The following SH3PXD2A variants were observed in gnomAD, a reference collection of about 807,000 sequenced individuals.
The protein encoded by SH3PXD2A is SH3 and PX domain-containing protein 2A.
A neutral mutation model predicts 115.2 loss-of-function variants in SH3PXD2A; 32 were observed. That is an observed-to-expected ratio of 0.28 (90% CI 0.21 to 0.37). The LOEUF is 0.37. Among genes scored for constraint, SH3PXD2A ranks in the 10% least tolerant of loss-of-function variants. The probability of loss-of-function intolerance (pLI) is 1.00; values close to 1 mark genes in which losing one functional copy is unlikely to be tolerated. For missense variants in SH3PXD2A, 1,328 were observed against 1,498.7 expected, an observed-to-expected ratio of 0.89 and a Z score of 1.88; for synonymous variants, 610 against 629.1, an observed-to-expected ratio of 0.97 and a Z score of 0.45.
At position 103,622,484 on chromosome 10, in the gene SH3PXD2A, C is replaced by A; in HGVS notation, c.788G>T (p.Arg263Met). 6.5e-7 allele frequency: 1 copy of A among 1,549,878 alleles called. No individual in the cohort carries two copies. Among genetic ancestry groups the A allele is most frequent in the Non-Finnish European group, 8.7e-7 (1 of 1,146,556 alleles). The change falls in exon 10 of 15, where the codon AGG becomes ATG. Residue 263 changes from arginine (R) to methionine (M), a missense_variant. Physicochemically the swap from Arg to Met is moderately conservative, Grantham distance 91. Coordinates refer to ENST00000369774, the MANE Select transcript of SH3PXD2A (RefSeq NM_001394015.1). Reference sequence around the variant, plus strand: ...CCCGCAGTCACCTCGGCTGTGCTGCCTGTTGACCATCCCGCCCAGGGTCCA... The same window carrying A: ...CCCGCAGTCACCTCGGCTGTGCTGCATGTTGACCATCCCGCCCAGGGTCCA... ...RRWTLGGMVN[R>M]QHSREEKYVT...
chr10:103,701,019 A>G (rs1361744348), intron 5 of SH3PXD2A, among the ~76,000 whole-genome samples: 1 of 3,956 alleles, frequency 2.5e-4, no homozygotes, highest in African/African-American at 2.3e-3. Context: ...CTATCCATCC[A>G]CCATCCATCC....
chr10:103,795,904 A>G (rs1275549536), intron 2 of SH3PXD2A, among the ~76,000 whole-genome samples: 177 of 57,156 alleles, frequency 3.1e-3, no homozygotes, highest in African/African-American at 0.011. Flanking sequence ...GAGGGAGGAA[A>G]AGGAAGGAAG....
At chr10:103,842,551 C>T (rs1325762568) in intron 1 of SH3PXD2A, among the ~76,000 whole-genome samples, 2 of 152,192 alleles carry the variant, frequency 1.3e-5, no homozygotes, top group Non-Finnish European at 2.9e-5. Flanking sequence ...TTATTCCTCC[C>T]ACCTGGCCTC....
chr10:103,692,781 G>A (rs1402236255), intron 6 of SH3PXD2A, among the ~76,000 whole-genome samples: 3 of 152,168 alleles, frequency 2.0e-5, no homozygotes, highest in African/African-American at 7.2e-5. Context: ...ACTAGGGACA[G>A]CGAGGTAGCG....
Position 103,603,114 on chromosome 10 carries a change from A to G in SH3PXD2A, c.2104T>C (p.Ser702Pro). 1 of 1,613,212 alleles carries G rather than the reference A, an allele frequency of 6.2e-7. No homozygotes were observed. The highest frequency in any genetic ancestry group is 8.5e-7 in the Non-Finnish European group (1 of 1,179,982). Residue 702 changes from serine (S) to proline (P), a missense_variant, in exon 15 of 15, where the codon TCC becomes CCC. Ser to Pro is a moderately conservative substitution (Grantham distance 74). Around this residue, in one of 5 missense-constraint regions of SH3PXD2A, gnomAD observed 574 missense variants for 565.7 expected, o/e 1.01. Transcript: ENST00000369774. Reference sequence around the variant, plus strand: ...GAAGAGGAGGAGGAGGAAGAGGAGGAGCAGCAAGTGGTGTTGATGGTGATG... The same window carrying G: ...GAAGAGGAGGAGGAGGAAGAGGAGGGGCAGCAAGTGGTGTTGATGGTGATG... ...SSITINTTCC[S>P]SSSSSSSSLS...
intron 8 of SH3PXD2A, among the ~76,000 whole-genome samples, chr10:103,656,042 A>G (rs988467671): frequency 5.3e-5 from 8 of 152,374 alleles, no homozygotes; most frequent in Non-Finnish European, 1.0e-4. Context: ...CTTAACCATC[A>G]GAAAACAAAT....
chr10:103,827,552 T>C (rs1039062946), intron 1 of SH3PXD2A, among the ~76,000 whole-genome samples: 1 of 152,096 alleles, frequency 6.6e-6, no homozygotes, highest in Admixed American at 6.5e-5. Context: ...CAGGAGTGCT[T>C]TGAGAATTAA....
intron 1 of SH3PXD2A, among the ~76,000 whole-genome samples, chr10:103,805,889 G>T (rs764802826): frequency 6.6e-6 from 1 of 152,192 alleles, no homozygotes; most frequent in East Asian, 1.9e-4. Context: ...AAATTCACAC[G>T]AAGTCATCTC....
At chr10:103,646,223 C>G (rs2037034206) in intron 8 of SH3PXD2A, among the ~76,000 whole-genome samples, 1 of 152,082 alleles carries the variant, frequency 6.6e-6, no homozygotes, top group African/African-American at 2.4e-5. Context: ...TTGTGGTGAC[C>G]TAGGATTAGG....
chr10:103,824,598 A>T, intron 1 of SH3PXD2A, among the ~76,000 whole-genome samples: 1 of 152,084 alleles, frequency 6.6e-6, no homozygotes, highest in East Asian at 1.9e-4. Flanking sequence ...CATTTCACAT[A>T]GCCCCTCTCC....
rs2036127259 is a variant in SH3PXD2A at position 103,596,016 on chromosome 10, C to G, written c.*5800G>C. The stretch of plus-strand genomic sequence containing the variant: ...GCACCAAACAGGGCTGATGATTTAG[C>G]CAGAAACTCAGGAAGGTCTAGCACA... On this transcript the variant is annotated 3_prime_UTR_variant, in exon 15 of 15. Transcript: ENST00000369774. 2 of 152,488 alleles carry G rather than the reference C, an allele frequency of 1.3e-5. No homozygotes were observed. Among genetic ancestry groups the G allele is most frequent in the South Asian group, 2.1e-4 (1 of 4,800 alleles). The allele number at this position is 152,488 out of a possible 1,614,324, so 9.4% of individuals were successfully genotyped here.
chr10:103,665,700 C>A lies in SH3PXD2A; in HGVS notation c.472+2908G>T, dbSNP rs967807733. ...ACTTGCAGGCCAGGCAGGCAGTGGG[C>A]GGTGATGTCATCCCACAGAGGCCAC... On this transcript the variant is annotated intron_variant, in intron 7 of 14. Coordinates refer to ENST00000369774, the MANE Select transcript of SH3PXD2A (RefSeq NM_001394015.1). This position sits in a 1 kb window ranked among gnomAD's most constrained non-coding sequence, Gnocchi z 4.0. Among the ~76,000 whole-genome samples, 3 of 152,128 alleles carry A rather than the reference C, an allele frequency of 2.0e-5. No individual in the cohort carries two copies. Among genetic ancestry groups the A allele is most frequent in the Non-Finnish European group, 4.4e-5 (3 of 68,014 alleles).
intron 5 of SH3PXD2A, among the ~76,000 whole-genome samples, chr10:103,718,959 C>T (rs1390254203): frequency 6.6e-6 from 1 of 152,142 alleles, no homozygotes; most frequent in East Asian, 1.9e-4. Flanking sequence ...GAGATCAGTG[C>T]CTTATAAAAG....
rs909028235 is a variant in SH3PXD2A at position 103,855,306 on chromosome 10, C to G, written c.-40G>C. The G allele has an allele frequency of 1.6e-5, 24 of 1,470,400 alleles. No homozygotes were observed. The African/African-American group carries it at 3.2e-4, about 20-fold the overall frequency. 91.1% of individuals were successfully genotyped at this position (1,470,400 alleles called of 1,614,324 possible). A position where few individuals can be genotyped will look rare whatever the true frequency, so the allele number is the denominator to read the frequency against. ...CGAGTGGCGCCCCCGGCGGCGTCAC[C>G]TTCTCATCCCGGCCGGGCTCCGGCT... On this transcript the variant is annotated 5_prime_UTR_variant, in exon 1 of 15. Transcript: ENST00000369774.
chr10:103,684,812 T>C (rs2037656431), intron 6 of SH3PXD2A, among the ~76,000 whole-genome samples: 1 of 151,702 alleles, frequency 6.6e-6, no homozygotes, highest in South Asian at 2.1e-4. Flanking sequence ...GATAGTCACT[T>C]GATCCTAGGA....
At chr10:103,777,993 T>C (rs1182993303) in intron 2 of SH3PXD2A, among the ~76,000 whole-genome samples, 5 of 152,124 alleles carry the variant, frequency 3.3e-5, no homozygotes, top group African/African-American at 7.2e-5. Flanking sequence ...ATCTGTAAAA[T>C]AGGACCATGC....
chr10:103,777,690 C>T (rs76053859), intron 2 of SH3PXD2A, among the ~76,000 whole-genome samples: 7,776 of 152,300 alleles, frequency 0.051, 337 homozygotes, highest in Non-Finnish European at 0.073. Flanking sequence ...AAACCTACCC[C>T]AGTGGCCTCA....
rs555354037 is a variant in SH3PXD2A at position 103,620,772 on chromosome 10, G to A, written c.802+1698C>T. ...GGGGCTTATATTTGCTTAGGTATGGGTGACCAAGAATTAGGCATTTCATTG... is the reference window on the plus strand; with the variant it reads ...GGGGCTTATATTTGCTTAGGTATGGATGACCAAGAATTAGGCATTTCATTG... On this transcript the variant is annotated intron_variant, in intron 10 of 14. Transcript: ENST00000369774. The surrounding 1 kb of genome is among the most constrained non-coding windows in gnomAD (Gnocchi z 5.3). 6.6e-6 allele frequency among the ~76,000 whole-genome samples: 1 copy of A among 152,316 alleles called. No homozygotes were observed. Among genetic ancestry groups the A allele is most frequent in the East Asian group, 1.9e-4 (1 of 5,186 alleles).
intron 1 of SH3PXD2A, among the ~76,000 whole-genome samples, chr10:103,814,606 A>T (rs2039305048): frequency 6.6e-6 from 1 of 152,166 alleles, no homozygotes; most frequent in Non-Finnish European, 1.5e-5. Flanking sequence ...TGTGACTGTG[A>T]TGCTGGTAGA....
Sources: allele counts gnomAD v4.1 joint callset (sites outside exome capture counted in the v4.1 genomes callset), GRCh38; gene constraint gnomAD v4.1.1; regional missense constraint gnomAD v4.1.1; non-coding constraint Gnocchi (gnomAD v3.1); transcripts MANE v1.5; gene names NCBI Gene and HGNC (gene_info 2026-07-23, HGNC 2026-07-21).